Variants in CPNE4 observed in about 807,000 individuals in gnomAD.
CPNE4 encodes the protein copine-4.
In CPNE4, 25 loss-of-function variants were observed where a neutral mutation model predicts 67.9. The observed-to-expected ratio is 0.37, with a 90% CI of 0.27 to 0.51. The LOEUF (loss-of-function observed/expected upper bound fraction) is 0.51, where lower values mean the gene tolerates loss of function less well. CPNE4 is among the 20% of genes least tolerant of loss of function. CPNE4 has a pLI of 0.93. For synonymous variants in CPNE4, 242 were observed against 244.9 expected (o/e 0.99, Z 0.11); for missense variants, 464 against 690.8 (o/e 0.67, Z 3.68).
chr3:131,575,052 C>A lies in CPNE4; in HGVS notation c.927+19G>T. 1.2e-6 allele frequency: 2 copies of A among 1,606,774 alleles called. No homozygotes were observed. The highest frequency in any genetic ancestry group is 1.1e-5 in the South Asian group (1 of 90,874). On this transcript the variant is annotated intron_variant, in intron 10 of 15. Coordinates refer to ENST00000429747, the MANE Select transcript of CPNE4 (RefSeq NM_130808.3). Reference sequence around the variant, plus strand: ...GATTCCTGAATAAGAATCAAGGAATCAACATGAAAACAACTTACTGTAAAC... The same window carrying A: ...GATTCCTGAATAAGAATCAAGGAATAAACATGAAAACAACTTACTGTAAAC...
chr3:131,774,470 G>A (rs535518188), intron 2 of CPNE4, among the ~76,000 whole-genome samples: 10 of 152,214 alleles, frequency 6.6e-5, no homozygotes, highest in Middle Eastern at 3.4e-3. Flanking sequence ...AAATGAAGGA[G>A]CAAAAGTATG....
intron 6 of CPNE4, among the ~76,000 whole-genome samples, chr3:131,676,933 C>T (rs1015138651): frequency 1.3e-5 from 2 of 151,950 alleles, no homozygotes; most frequent in Non-Finnish European, 2.9e-5. Flanking sequence ...AGTTCTGTCT[C>T]GAGGTTTTTG....
intron 2 of CPNE4, among the ~76,000 whole-genome samples, chr3:131,740,015 T>A (rs2082321731): frequency 6.6e-6 from 1 of 152,202 alleles, no homozygotes; most frequent in African/African-American, 2.4e-5. Flanking sequence ...ATACCTCTTA[T>A]CTTTTACCCA....
chr3:131,933,604 T>C (rs1420651629), intron 1 of CPNE4, among the ~76,000 whole-genome samples: 3 of 152,096 alleles, frequency 2.0e-5, no homozygotes, highest in Admixed American at 6.6e-5. Context: ...TTATTAACAG[T>C]AGCCAAGCTA....
chr3:131,935,935 T>C (rs2071206217), intron 1 of CPNE4, among the ~76,000 whole-genome samples: 1 of 151,976 alleles, frequency 6.6e-6, no homozygotes, highest in African/African-American at 2.4e-5. Context: ...TGAATTCTCC[T>C]TTAAGCATTA....
chr3:131,911,253 T>C (rs1383707871), intron 1 of CPNE4, among the ~76,000 whole-genome samples: 1 of 132,926 alleles, frequency 7.5e-6, no homozygotes, highest in Non-Finnish European at 1.6e-5. Flanking sequence ...AAACTGAGAC[T>C]CTCAGTCCAA....
intron 14 of CPNE4, among the ~76,000 whole-genome samples, chr3:131,543,374 T>A (rs1229084638): frequency 6.6e-6 from 1 of 152,214 alleles, no homozygotes; most frequent in Non-Finnish European, 1.5e-5. Flanking sequence ...TTTAAGTATG[T>A]TTGGAACAAC....
chr3:131,872,187 T>A (rs879340288), intron 2 of CPNE4, among the ~76,000 whole-genome samples: 3 of 151,932 alleles, frequency 2.0e-5, no homozygotes, highest in Non-Finnish European at 4.4e-5. Flanking sequence ...TGTGCGTGTG[T>A]GTGTGTGTAG....
chr3:131,621,552 T>TA (rs1374674920), intron 7 of CPNE4, among the ~76,000 whole-genome samples: 5 of 152,108 alleles, frequency 3.3e-5, no homozygotes, highest in African/African-American at 4.8e-5. Flanking sequence ...AGCCCTCTCT[T>TA]ACTTCTCTTA....
At chr3:131,897,940 G>A (rs559462593) in intron 2 of CPNE4, among the ~76,000 whole-genome samples, 6 of 151,824 alleles carry the variant, frequency 4.0e-5, no homozygotes, top group Non-Finnish European at 7.4e-5. Flanking sequence ...AAATATAGAT[G>A]AGCCCAATTT....
At chr3:132,018,682 C>A (rs1341547213) in intron 1 of CPNE4, among the ~76,000 whole-genome samples, 1 of 152,130 alleles carries the variant, frequency 6.6e-6, no homozygotes, top group Non-Finnish European at 1.5e-5. Context: ...TACATTAAAG[C>A]AAACCAGTTC....
intron 2 of CPNE4, among the ~76,000 whole-genome samples, chr3:131,771,651 T>C (rs931196557): frequency 6.6e-6 from 1 of 152,152 alleles, no homozygotes; most frequent in Non-Finnish European, 1.5e-5. Context: ...TTGTGCAACC[T>C]GTAGAACCAT....
At chr3:131,593,671 A>T (rs1938670070) in intron 7 of CPNE4, among the ~76,000 whole-genome samples, 1 of 152,046 alleles carries the variant, frequency 6.6e-6, no homozygotes, top group Admixed American at 6.6e-5. Flanking sequence ...TATCTTCCCT[A>T]ATTGCTCTGG....
At chr3:131,763,435 C>T (rs1269535736) in intron 2 of CPNE4, among the ~76,000 whole-genome samples, 1 of 152,100 alleles carries the variant, frequency 6.6e-6, no homozygotes, top group African/African-American at 2.4e-5. Context: ...TGTAATTTAG[C>T]TCAAGTTAAT....
chr3:131,666,310 A>T (rs1226135764), intron 7 of CPNE4, among the ~76,000 whole-genome samples: 1 of 152,212 alleles, frequency 6.6e-6, no homozygotes, highest in African/African-American at 2.4e-5. Context: ...AAACAAAATG[A>T]AACAAATGAA....
At chr3:131,832,919 AC>A (rs1297474979) in intron 2 of CPNE4, among the ~76,000 whole-genome samples, 1 of 152,156 alleles carries the variant, frequency 6.6e-6, no homozygotes, top group East Asian at 1.9e-4. Flanking sequence ...ATAGACTGTT[AC>A]GCTCAGTCAA....
intron 2 of CPNE4, among the ~76,000 whole-genome samples, chr3:131,815,660 G>A (rs1235890058): frequency 6.6e-6 from 1 of 152,220 alleles, no homozygotes; most frequent in African/African-American, 2.4e-5. Context: ...TTGGAACAAA[G>A]AAGGTGACTT....
intron 2 of CPNE4, among the ~76,000 whole-genome samples, chr3:131,780,807 C>A (rs547946949): frequency 6.6e-6 from 1 of 151,926 alleles, no homozygotes; most frequent in Non-Finnish European, 1.5e-5. Flanking sequence ...TGTAACAAAC[C>A]TGCACACGTA....
intron 1 of CPNE4, among the ~76,000 whole-genome samples, chr3:131,978,196 AAT>A (rs1419030856): frequency 3.4e-4 from 18 of 53,016 alleles, no homozygotes; most frequent in African/African-American, 2.5e-3. Context: ...ATATATTTAT[AAT>A]TATTATATAT....
Sources: gnomAD v4.1 joint callset for allele counts (sites outside exome capture counted in the v4.1 genomes callset) on GRCh38, gnomAD v4.1.1 for gene constraint, MANE v1.5 for transcripts, NCBI Gene and HGNC (gene_info 2026-07-23, HGNC 2026-07-21) for gene names.